The following EPHA3 variants were observed in gnomAD, a reference collection of about 807,000 sequenced individuals.
The protein encoded by EPHA3 is EPH receptor A3.
In EPHA3, 42 loss-of-function variants were observed where a neutral mutation model predicts 107.1. That is an observed-to-expected ratio of 0.39 (90% CI 0.31 to 0.51). EPHA3 has a LOEUF of 0.51. Ranked by LOEUF, EPHA3 falls within the 20% of genes least tolerant of loss-of-function variation. The pLI, the probability that EPHA3 is intolerant of heterozygous loss-of-function variation, is 0.78. For synonymous variants in EPHA3, 461 were observed against 424.8 expected, an observed-to-expected ratio of 1.09 and a Z score of -1.05; for missense variants, 1,183 against 1,211.2, an observed-to-expected ratio of 0.98 and a Z score of 0.35.
intron 3 of EPHA3, among the ~76,000 whole-genome samples, chr3:89,247,467 G>T (rs1306301027): frequency 6.6e-6 from 1 of 152,148 alleles, no homozygotes; most frequent in Non-Finnish European, 1.5e-5. Context: ...AACAGAAAAT[G>T]TTATCTGGAG....
intron 3 of EPHA3, among the ~76,000 whole-genome samples, chr3:89,268,540 GT>G (rs199669180): frequency 3.3e-5 from 5 of 149,922 alleles, no homozygotes; most frequent in South Asian, 2.1e-4. Context: ...TCATGTTTCT[GT>G]TTTTTTTTAA....
At chr3:89,219,419 T>C (rs563271146) in intron 3 of EPHA3, among the ~76,000 whole-genome samples, 3 of 152,042 alleles carry the variant, frequency 2.0e-5, no homozygotes, top group Admixed American at 6.6e-5. Context: ...TGCCTTGGCC[T>C]CCCAAAGTGC....
At chr3:89,228,751 A>G (rs1704557137) in intron 3 of EPHA3, among the ~76,000 whole-genome samples, 1 of 151,918 alleles carries the variant, frequency 6.6e-6, no homozygotes, top group Admixed American at 6.6e-5. Flanking sequence ...GTATGTAAGG[A>G]CGTATGAATG....
At chr3:89,331,615 T>C (rs541847354) in intron 3 of EPHA3, among the ~76,000 whole-genome samples, 7 of 152,272 alleles carry the variant, frequency 4.6e-5, no homozygotes, top group African/African-American at 1.7e-4. Context: ...ATTGATCCTT[T>C]AGAAATTACA....
At chr3:89,393,416 C>T (rs781568986) in intron 5 of EPHA3, among the ~76,000 whole-genome samples, 11 of 152,190 alleles carry the variant, frequency 7.2e-5, no homozygotes, top group Non-Finnish European at 1.3e-4. Context: ...CAATCCTCAT[C>T]GCAATTGTTC....
chr3:89,428,625 G>T (rs145192317), intron 11 of EPHA3, among the ~76,000 whole-genome samples: 2 of 151,932 alleles, frequency 1.3e-5, no homozygotes, highest in African/African-American at 4.8e-5. Flanking sequence ...CAGAAATTTT[G>T]ATCTACTTGC....
chr3:89,108,097 CAGAA>C lies in EPHA3; in HGVS notation c.88+275_88+278del, dbSNP rs762635878. On this transcript the variant is annotated intron_variant, in intron 1 of 16. Transcript: ENST00000336596. ...CAATTACCTTGTTTGCCAATTTGAG[CAGAA>C]AGAAAGAAAGAAAATCCTCCAGCGT... 1.1e-3 allele frequency among the ~76,000 whole-genome samples: 160 copies of C among 152,036 alleles called. No homozygotes were observed. In the South Asian group the frequency reaches 0.014, roughly 13 times the overall value.
At chr3:89,263,298 G>T (rs1470934063) in intron 3 of EPHA3, among the ~76,000 whole-genome samples, 1 of 152,084 alleles carries the variant, frequency 6.6e-6, no homozygotes, top group East Asian at 1.9e-4. Context: ...GCTGTCTGCG[G>T]ATGGCTTAAG....
At chr3:89,134,024 AT>A (rs58260720) in intron 2 of EPHA3, among the ~76,000 whole-genome samples, 7,506 of 143,622 alleles carry the variant, frequency 0.052, 246 homozygotes, top group African/African-American at 0.096. Context: ...TCAAAACAAC[AT>A]TTTTTTTTTT....
intron 3 of EPHA3, among the ~76,000 whole-genome samples, chr3:89,259,627 G>A (rs757661389): frequency 2.6e-5 from 4 of 152,134 alleles, no homozygotes; most frequent in Non-Finnish European, 5.9e-5. Context: ...TAAAATGGTT[G>A]CTCTACTGAA....
intron 2 of EPHA3, among the ~76,000 whole-genome samples, chr3:89,175,744 A>G (rs1705307862): frequency 6.6e-6 from 1 of 152,152 alleles, no homozygotes. Context: ...GTTGTCATCT[A>G]AAATTTTCCT....
intron 5 of EPHA3, among the ~76,000 whole-genome samples, chr3:89,356,064 A>G (rs544514570): frequency 1.5e-5 from 2 of 134,028 alleles, no homozygotes; most frequent in East Asian, 4.5e-4. Flanking sequence ...ATTCTCACCT[A>G]TGAGTGAGAA....
chr3:89,184,367 C>T (rs1705513669), intron 2 of EPHA3, among the ~76,000 whole-genome samples: 1 of 151,938 alleles, frequency 6.6e-6, no homozygotes, highest in Non-Finnish European at 1.5e-5. Context: ...GGCATGAAAA[C>T]CATTGTGCTC....
intron 15 of EPHA3, among the ~76,000 whole-genome samples, chr3:89,457,417 A>G (rs1710120492): frequency 6.6e-6 from 1 of 152,186 alleles, no homozygotes; most frequent in African/African-American, 2.4e-5. Context: ...CAGCAGGGGC[A>G]TTAGATTATC....
intron 3 of EPHA3, among the ~76,000 whole-genome samples, chr3:89,259,826 C>T (rs1311092397): frequency 6.6e-6 from 1 of 152,130 alleles, no homozygotes; most frequent in African/African-American, 2.4e-5. Flanking sequence ...CTACATCTCC[C>T]CATTTCCTTT....
intron 3 of EPHA3, among the ~76,000 whole-genome samples, chr3:89,268,059 ATAGC>A (rs1705580576): frequency 1.3e-5 from 2 of 152,256 alleles, no homozygotes; most frequent in Admixed American, 1.3e-4. Flanking sequence ...GCAGTTCCTA[ATAGC>A]TAGGATGGGC....
intron 3 of EPHA3, among the ~76,000 whole-genome samples, chr3:89,233,711 C>A (rs553529720): frequency 6.6e-6 from 1 of 152,050 alleles, no homozygotes; most frequent in Non-Finnish European, 1.5e-5. Context: ...TTAAGGGAAA[C>A]GGTGGAAGGC....
intron 13 of EPHA3, among the ~76,000 whole-genome samples, chr3:89,433,597 C>A (rs1460458290): frequency 6.6e-6 from 1 of 152,052 alleles, no homozygotes; most frequent in East Asian, 1.9e-4. Context: ...GTTCATGAAT[C>A]TAAATTTTTT....
intron 6 of EPHA3, 54 bp downstream of exon 6, chr3:89,396,015 A>T: frequency 6.3e-7 from 1 of 1,598,990 alleles, no homozygotes; most frequent in Non-Finnish European, 8.5e-7. Context: ...CTGTTTCCTC[A>T]TGAGCTGTGC....
Sources: allele counts gnomAD v4.1 joint callset (sites outside exome capture counted in the v4.1 genomes callset), GRCh38; gene constraint gnomAD v4.1.1; transcripts MANE v1.5; gene names NCBI Gene and HGNC (gene_info 2026-07-23, HGNC 2026-07-21).